Variants in SHD observed in about 807,000 individuals in gnomAD.
The protein encoded by SHD is Src homology 2 domain containing transforming protein D, also known as SH2 domain-containing adapter protein D.
A neutral mutation model predicts 31.2 loss-of-function variants in SHD; 29 were observed. The observed-to-expected ratio is 0.93, with a 90% CI of 0.69 to 1.27. SHD has a LOEUF of 1.27. SHD is among the 50% of genes most tolerant of loss of function. SHD has a pLI of 0.00. For synonymous variants in SHD, 208 were observed against 187.8 expected, an observed-to-expected ratio of 1.11 and a Z score of -0.88; for missense variants, 520 against 453.8, an observed-to-expected ratio of 1.15 and a Z score of -1.33.
intron 5 of SHD, among the ~76,000 whole-genome samples, chr19:4,290,222 C>T (rs541707623): frequency 6.6e-6 from 1 of 152,236 alleles, no homozygotes; most frequent in South Asian, 2.1e-4. Flanking sequence ...CTCTGTTGGC[C>T]AGGCTGGTCT....
intron 4 of SHD, among the ~76,000 whole-genome samples, chr19:4,287,848 C>A (rs1487657329): frequency 6.6e-6 from 1 of 152,022 alleles, no homozygotes; most frequent in African/African-American, 2.4e-5. Flanking sequence ...ATGCCACAAG[C>A]CCATGCACCA....
At chr19:4,287,067 C>A (rs548602435) in intron 4 of SHD, among the ~76,000 whole-genome samples, 110 of 152,048 alleles carry the variant, frequency 7.2e-4, no homozygotes, top group Non-Finnish European at 1.2e-3. Flanking sequence ...GGCGCAGTGG[C>A]TCATGCCTGT....
chr19:4,280,499 C>A (rs758676155), intron 1 of SHD, 139 bp downstream of exon 1: 656 of 882,270 alleles, frequency 7.4e-4, no homozygotes, highest in Non-Finnish European at 1.0e-3. Context: ...TCCTCCAGAC[C>A]TCCACCTGCT....
Position 4,280,374 on chromosome 19 carries a change from T to A in SHD, c.297+14T>A, listed in dbSNP as rs1410954151. ...CCCGGGGAGGAGGTGCGTGGCTGGG[T>A]GGCCTGGGGAGACTGGGTGGAGGGG... is the stretch of plus-strand genomic sequence containing the variant. On this transcript the variant is annotated intron_variant, in intron 1 of 5. Coordinates refer to ENST00000543264, the MANE Select transcript of SHD (RefSeq NM_020209.4). 3.2e-6 allele frequency: 5 copies of A among 1,547,672 alleles called. No homozygotes were observed. The African/African-American group carries it at 6.9e-5, about 21-fold the overall frequency.
In SHD at chr19:4,284,859, A is replaced by G. The variant is rs754099217; in HGVS notation, c.671A>G (p.Gln224Arg). The part of the protein sequence containing the change: ...ELRRPPPRSP[Q>R]PAERVDPALP... ...CGGAGACCTCCGCCCAGAAGCCCCC[A>G]GCCTGCGGAGCGTGTGGACCCAGCC... The change falls in exon 4 of 6, where the codon CAG (glutamine) becomes CGG (arginine). Residue 224 changes from glutamine (Q) to arginine (R), a missense_variant. Physicochemically the swap from Gln to Arg is conservative, Grantham distance 43 (BLOSUM62 1). Coordinates refer to ENST00000543264, the MANE Select transcript of SHD (RefSeq NM_020209.4). The G allele has an allele frequency of 3.7e-6, 6 of 1,612,606 alleles. No individual in the cohort carries two copies. The South Asian group carries it at 6.6e-5, about 18-fold the overall frequency.
chr19:4,290,102 G>C (rs140827389), intron 5 of SHD, among the ~76,000 whole-genome samples: 68,427 of 149,536 alleles, frequency 0.46, 16,647 homozygotes, highest in African/African-American at 0.63. Context: ...TCTCAAACTC[G>C]TAACCTCAAG....
intron 4 of SHD, among the ~76,000 whole-genome samples, chr19:4,286,019 G>A (rs1330319233): frequency 6.9e-6 from 1 of 145,532 alleles, no homozygotes; most frequent in Non-Finnish European, 1.5e-5. Flanking sequence ...AGCCTCCCAA[G>A]TAGCTGGGAA....
intron 1 of SHD, among the ~76,000 whole-genome samples, chr19:4,280,676 T>C (rs1290694510): frequency 2.0e-5 from 3 of 152,130 alleles, no homozygotes; most frequent in East Asian, 1.9e-4. Context: ...TACAGGTGTG[T>C]GCCACCACAC....
rs76053615 is a variant in SHD at position 4,288,507 on chromosome 19, G to A, written c.836+145G>A. The A allele has an allele frequency of 2.6e-3, 2,509 of 971,070 alleles. 55 individuals are homozygous for A. In the African/African-American group the frequency reaches 0.037, roughly 14 times the overall value. 60.2% of individuals were successfully genotyped at this position (971,070 alleles called of 1,614,324 possible). A position where few individuals can be genotyped will look rare whatever the true frequency, so the allele number is the denominator to read the frequency against. On this transcript the variant is annotated intron_variant, in intron 5 of 5. Coordinates refer to ENST00000543264, the MANE Select transcript of SHD (RefSeq NM_020209.4). ...CAGTGGGTGGGACTTCTAGGAGAAG[G>A]GGTGGGAGTTCTGGGGAGGCCATTA...
chr19:4,282,873 G>C lies in SHD; in HGVS notation c.301G>C (p.Glu101Gln), dbSNP rs975622259. ...ALLGGPGEEL[E>Q]ADTEYLDPFD... Reference sequence around the variant, plus strand: ...CTCCCCTTCCTTCTCTCCGCAGCTGGAAGCCGACACTGAGTATTTAGACCC... The same window carrying C: ...CTCCCCTTCCTTCTCTCCGCAGCTGCAAGCCGACACTGAGTATTTAGACCC... The change falls in exon 2 of 6, where the codon GAA becomes CAA. Residue 101 changes from glutamate to glutamine, a missense_variant. By Grantham distance (29) the Glu-to-Gln change is conservative. Transcript: ENST00000543264. 2.5e-6 allele frequency: 4 copies of C among 1,613,832 alleles called. No homozygotes were observed. Among genetic ancestry groups the C allele is most frequent in the Admixed American group, 1.7e-5 (1 of 59,950 alleles).
intron 3 of SHD, among the ~76,000 whole-genome samples, chr19:4,284,217 G>A (rs935655469): frequency 6.6e-5 from 10 of 152,042 alleles, no homozygotes; most frequent in Non-Finnish European, 1.3e-4. Context: ...TAGGAGAATT[G>A]CTTGAACCTG....
intron 1 of SHD, 21 bp downstream of exon 1, chr19:4,280,381 G>C: frequency 6.5e-7 from 1 of 1,542,516 alleles, no homozygotes; most frequent in African/African-American, 1.4e-5. Context: ...GGGTGGCCTG[G>C]GGAGACTGGG....
chr19:4,288,498 T>G, intron 5 of SHD, 136 bp downstream of exon 5: 1 of 1,074,626 alleles, frequency 9.3e-7, no homozygotes, highest in East Asian at 2.8e-5. Flanking sequence ...GTGGGACTTC[T>G]AGGAGAAGGG....
At chr19:4,280,450 C>T in intron 1 of SHD, 90 bp downstream of exon 1, 2 of 1,387,940 alleles carry the variant, frequency 1.4e-6, no homozygotes, top group Non-Finnish European at 9.6e-7. Context: ...TATGTGTGAT[C>T]ACAGGAGGGG....
chr19:4,287,099 C>T (rs1347251353), intron 4 of SHD, among the ~76,000 whole-genome samples: 3 of 151,998 alleles, frequency 2.0e-5, no homozygotes, highest in South Asian at 2.1e-4. Context: ...TTTGGGAGGC[C>T]GAGGTGGGCG....
In SHD at chr19:4,280,165, C is replaced by T. The variant is rs933523035; in HGVS notation, c.102C>T (p.Tyr34=). Reference sequence around the variant, plus strand: ...CCGAGAGCGACATCCTGAGGGCCTACCGCGCGCAGAAGAACCTGGACTTCG... The same window carrying T: ...CCGAGAGCGACATCCTGAGGGCCTATCGCGCGCAGAAGAACCTGGACTTCG... ...DYTESDILRA[Y]RAQKNLDFED... is the part of the protein sequence containing the mutation. The change falls in exon 1 of 6, where the codon TAC becomes TAT. Residue 34 remains tyrosine (Y), a synonymous_variant. Coordinates refer to ENST00000543264, the MANE Select transcript of SHD (RefSeq NM_020209.4). The T allele has an allele frequency of 3.7e-6, 6 of 1,613,816 alleles. No individual in the cohort carries two copies. The highest frequency in any genetic ancestry group is 5.1e-6 in the Non-Finnish European group (6 of 1,179,994).
intron 4 of SHD, among the ~76,000 whole-genome samples, chr19:4,285,370 G>A (rs1171730303): frequency 2.0e-5 from 3 of 152,148 alleles, no homozygotes; most frequent in Non-Finnish European, 4.4e-5. Flanking sequence ...GGTGGCACGT[G>A]AGCCGGGAGA....
At position 4,288,361 on chromosome 19, in the gene SHD, A is replaced by G; in HGVS notation, c.835A>G (p.Arg279Gly). 1 of 1,612,152 alleles carries G rather than the reference A, an allele frequency of 6.2e-7. No homozygotes were observed. The highest frequency in any genetic ancestry group is 8.5e-7 in the Non-Finnish European group (1 of 1,179,086). ...TNPQDCSLSL[R>G]SSQGFLHLKF... ...CCCCCAGGACTGCTCCTTGTCTCTC[A>G]GGTGAGAACTCAGCCTCACAGGGAC... Residue 279 changes from arginine (R) to glycine (G), a missense_variant and splice_region_variant, in exon 5 of 6, where the codon AGG becomes GGG. Arg to Gly is a moderately radical substitution (Grantham distance 125). Transcript: ENST00000543264.
intron 4 of SHD, among the ~76,000 whole-genome samples, chr19:4,285,618 C>T (rs529641561): frequency 4.0e-5 from 6 of 151,290 alleles, no homozygotes; most frequent in South Asian, 4.2e-4. Flanking sequence ...GACGCGACCT[C>T]GGCTCACTGC....
Sources: allele counts gnomAD v4.1 joint callset (sites outside exome capture counted in the v4.1 genomes callset), GRCh38; gene constraint gnomAD v4.1.1; transcripts MANE v1.5; gene names NCBI Gene and HGNC (gene_info 2026-07-23, HGNC 2026-07-21).